The following CSMD1 variants were observed in gnomAD, a reference collection of about 807,000 sequenced individuals.
CSMD1 encodes CUB and Sushi multiple domains 1, also known as CUB and sushi domain-containing protein 1.
In CSMD1, 213 loss-of-function variants were observed where a neutral mutation model predicts 417.5. The observed-to-expected ratio is 0.51, with a 90% CI of 0.46 to 0.57. The LOEUF is 0.57. CSMD1 is among the 20% of genes least tolerant of loss of function. The pLI, the probability that CSMD1 is intolerant of heterozygous loss-of-function variation, is 0.00. For missense variants in CSMD1, 6,923 were observed against 4,529.7 expected (o/e 1.53, Z -15.17); for synonymous variants, 2,862 against 1,736.8 (o/e 1.65, Z -16.11).
rs971991853 is a variant in CSMD1 at position 4,260,135 on chromosome 8, C to T, written c.415+159818G>A. ...TCAACAAATTGCTAAGTCAATGCAC[C>T]TGATCTACAGTGGCTAAGTCCCATC... On this transcript the variant is annotated intron_variant, in intron 3 of 69. Coordinates refer to ENST00000635120, the MANE Select transcript of CSMD1 (RefSeq NM_033225.6). Among the ~76,000 whole-genome samples the T allele has an allele frequency of 9.2e-5, 14 of 152,234 alleles. No individual in the cohort carries two copies. In the East Asian group the frequency reaches 2.5e-3, roughly 27 times the overall value.
rs548516092 is a variant in CSMD1 at position 3,078,936 on chromosome 8, T to TCAC, written c.7474+8160_7474+8161insGTG. Among the ~76,000 whole-genome samples the TCAC allele has an allele frequency of 2.8e-4, 42 of 152,126 alleles. No homozygotes were observed. The South Asian group carries it at 4.2e-3, about 15-fold the overall frequency. ...CTTAGCTGGCAGTATGATAAAGGTT[T>TCAC]CATGCCAACATTTGCGTTTAGTCCT... On this transcript the variant is annotated intron_variant, in intron 49 of 69. Transcript: ENST00000635120.
chr8:4,934,839 T>TACCA (rs1807500944), intron 1 of CSMD1, among the ~76,000 whole-genome samples: 3 of 152,144 alleles, frequency 2.0e-5, no homozygotes, highest in Non-Finnish European at 2.9e-5. Flanking sequence ...ATCATCCATC[T>TACCA]ATCAATCAAT....
At chr8:4,374,114 G>A (rs1422943253) in intron 3 of CSMD1, among the ~76,000 whole-genome samples, 1 of 152,060 alleles carries the variant, frequency 6.6e-6, no homozygotes, top group Non-Finnish European at 1.5e-5. Flanking sequence ...TTTCACACCT[G>A]CCATTTTATT....
intron 1 of CSMD1, among the ~76,000 whole-genome samples, chr8:4,685,164 T>A (rs1806292710): frequency 6.6e-6 from 1 of 152,136 alleles, no homozygotes; most frequent in African/African-American, 2.4e-5. Flanking sequence ...TAAACAAACA[T>A]AATGGACAAG....
intron 5 of CSMD1, among the ~76,000 whole-genome samples, chr8:3,762,556 A>T (rs1375019204): frequency 6.6e-6 from 1 of 152,248 alleles, no homozygotes; most frequent in South Asian, 2.1e-4. Flanking sequence ...ACAGGCGTGT[A>T]ACTCCATTTG....
chr8:3,783,787 G>C (rs1799305988), intron 5 of CSMD1, among the ~76,000 whole-genome samples: 2 of 152,166 alleles, frequency 1.3e-5, no homozygotes, highest in Non-Finnish European at 2.9e-5. Flanking sequence ...TCGCATAGGA[G>C]ACACTGAGGC....
chr8:3,045,984 G>GCTACACAGGGACTCACACAGGGACTCA (rs1272293660), intron 50 of CSMD1, among the ~76,000 whole-genome samples: 1 of 152,166 alleles, frequency 6.6e-6, no homozygotes, highest in Non-Finnish European at 1.5e-5. Flanking sequence ...CCCTACTTAT[G>GCTACACAGGGACTCACACAGGGACTCA]CACACAGGGA....
intron 39 of CSMD1, among the ~76,000 whole-genome samples, chr8:3,152,982 G>A (rs182062578): frequency 6.6e-6 from 1 of 152,196 alleles, no homozygotes; most frequent in Non-Finnish European, 1.5e-5. Context: ...AACTCCACCT[G>A]GAATAGGAGC....
rs1006388484 is a variant in CSMD1, at chr8:3,445,334, T to G, written c.1561+23378A>C. ...TAATATATCCTGGGTACCTATCACA[T>G]TCTGCAGATTGACGTGTATACATAT... On this transcript the variant is annotated intron_variant, in intron 12 of 69. Coordinates refer to ENST00000635120, the MANE Select transcript of CSMD1 (RefSeq NM_033225.6). Among the ~76,000 whole-genome samples, 9 of 152,208 alleles carry G rather than the reference T, an allele frequency of 5.9e-5. 1 individual carries two copies. Among genetic ancestry groups the G allele is most frequent in the Non-Finnish European group, 1.2e-4 (8 of 68,042 alleles).
At chr8:3,366,761 G>C (rs1039885226) in intron 20 of CSMD1, among the ~76,000 whole-genome samples, 1 of 152,200 alleles carries the variant, frequency 6.6e-6, no homozygotes, top group Non-Finnish European at 1.5e-5. Context: ...GGGCTTTGCA[G>C]AATGTAGTGA....
intron 3 of CSMD1, among the ~76,000 whole-genome samples, chr8:4,040,389 G>A (rs919508312): frequency 6.6e-6 from 1 of 152,118 alleles, no homozygotes; most frequent in African/African-American, 2.4e-5. Flanking sequence ...ACAAAAACAT[G>A]CTGCAGGGAG....
intron 3 of CSMD1, among the ~76,000 whole-genome samples, chr8:4,133,287 C>A (rs895165079): frequency 2.6e-5 from 4 of 152,118 alleles, no homozygotes; most frequent in African/African-American, 9.7e-5. Context: ...AACTGATTTG[C>A]TTAAAAGTCT....
chr8:3,848,336 C>A (rs1585086090), intron 5 of CSMD1, among the ~76,000 whole-genome samples: 2 of 152,092 alleles, frequency 1.3e-5, no homozygotes, highest in Admixed American at 1.3e-4. Context: ...TCAAAAGGAG[C>A]AATCTTATTA....
At chr8:4,148,028 C>A (rs764857077) in intron 3 of CSMD1, among the ~76,000 whole-genome samples, 2 of 152,092 alleles carry the variant, frequency 1.3e-5, no homozygotes, top group Admixed American at 6.5e-5. Flanking sequence ...TTCCCATAGT[C>A]TGTTCTATGA....
intron 26 of CSMD1, among the ~76,000 whole-genome samples, chr8:3,270,600 G>A (rs1801773523): frequency 6.6e-6 from 1 of 152,118 alleles, no homozygotes; most frequent in Admixed American, 6.5e-5. Flanking sequence ...CGACACAGAT[G>A]CAGCCCTTTT....
In CSMD1 at chr8:3,720,864, T is replaced by G. The variant is rs561541836; in HGVS notation, c.932-12373A>C. Among the ~76,000 whole-genome samples, 352 of 151,670 alleles carry G rather than the reference T, an allele frequency of 2.3e-3. 3 individuals carry two copies. Among genetic ancestry groups the G allele is most frequent in the Non-Finnish European group, 3.9e-3 (268 of 68,002 alleles). Reference sequence around the variant, plus strand: ...TCTCGCTCTGTTGCCCAGGTTGAAGTGCAATGGCGTGATCTCGGCTCACTG... The same window carrying G: ...TCTCGCTCTGTTGCCCAGGTTGAAGGGCAATGGCGTGATCTCGGCTCACTG... On this transcript the variant is annotated intron_variant, in intron 6 of 69. Transcript: ENST00000635120.
intron 3 of CSMD1, among the ~76,000 whole-genome samples, chr8:4,400,690 C>G (rs998069043): frequency 2.7e-5 from 4 of 149,492 alleles, no homozygotes; most frequent in African/African-American, 9.9e-5. Flanking sequence ...GCTAATTTGC[C>G]TTTTTTTTCA....
At chr8:4,626,617 G>C (rs1409913119) in intron 2 of CSMD1, among the ~76,000 whole-genome samples, 2 of 152,098 alleles carry the variant, frequency 1.3e-5, no homozygotes, top group Admixed American at 1.3e-4. Context: ...GACCGCAGGG[G>C]GCAGGGTGTG....
At chr8:3,528,888 G>T (rs1486743727) in intron 10 of CSMD1, among the ~76,000 whole-genome samples, 2 of 152,122 alleles carry the variant, frequency 1.3e-5, no homozygotes, top group Non-Finnish European at 2.9e-5. Flanking sequence ...TTATAACTGT[G>T]CATTTCATTT....
Sources: allele counts gnomAD v4.1 joint callset (sites outside exome capture counted in the v4.1 genomes callset), GRCh38; gene constraint gnomAD v4.1.1; transcripts MANE v1.5; gene names NCBI Gene and HGNC (gene_info 2026-07-23, HGNC 2026-07-21).